The following PTPRM variants were observed in gnomAD, a reference collection of about 807,000 sequenced individuals.
The protein encoded by PTPRM is protein tyrosine phosphatase receptor type M, also known as receptor-type tyrosine-protein phosphatase mu.
PTPRM carries 47 observed loss-of-function variants against 186.7 expected under a neutral mutation model. The observed-to-expected ratio is 0.25, with a 90% CI of 0.20 to 0.32. PTPRM has a LOEUF of 0.32. Ranked by LOEUF, PTPRM falls within the 10% of genes least tolerant of loss-of-function variation. The pLI, the probability that PTPRM is intolerant of heterozygous loss-of-function variation, is 1.00. For synonymous variants in PTPRM, 668 were observed against 674.9 expected, an observed-to-expected ratio of 0.99 and a Z score of 0.16; for missense variants, 1,494 against 1,865.0, an observed-to-expected ratio of 0.80 and a Z score of 3.66.
chr18:7,776,803 C>T (rs2042605164), intron 2 of PTPRM, among the ~76,000 whole-genome samples: 1 of 152,148 alleles, frequency 6.6e-6, no homozygotes, highest in African/African-American at 2.4e-5. Flanking sequence ...GCCCAGCTGA[C>T]CCATCGACCA....
At chr18:7,919,552 T>G (rs8091318) in intron 4 of PTPRM, among the ~76,000 whole-genome samples, 2,803 of 152,278 alleles carry the variant, frequency 0.018, 81 homozygotes, top group African/African-American at 0.063. Context: ...ATTTCTAGTT[T>G]TATTCCATTG....
intron 14 of PTPRM, among the ~76,000 whole-genome samples, chr18:8,240,801 AGAGAGAGAGAGAGAGAGAGAGAG>A (rs2094422901): frequency 5.4e-5 from 2 of 36,896 alleles, no homozygotes; most frequent in South Asian, 6.9e-4. Context: ...AGAGAGAGAG[AGAGAGAGAGAGAGAGAGAGAGAG>A]AGAAAGAAAG....
chr18:7,822,309 T>A (rs997161759), intron 2 of PTPRM, among the ~76,000 whole-genome samples: 2 of 152,212 alleles, frequency 1.3e-5, no homozygotes, highest in African/African-American at 4.8e-5. Flanking sequence ...TTACCTCCCC[T>A]TGTGATTTAT....
chr18:8,017,741 A>G (rs2084967642), intron 7 of PTPRM: 1 of 152,146 alleles, frequency 6.6e-6, no homozygotes, highest in South Asian at 2.1e-4. Flanking sequence ...TACAAGTGAA[A>G]TAGCTGAGGT....
At chr18:7,903,889 A>G (rs1170015464) in intron 3 of PTPRM, among the ~76,000 whole-genome samples, 2 of 152,132 alleles carry the variant, frequency 1.3e-5, no homozygotes, top group Non-Finnish European at 2.9e-5. Flanking sequence ...CCTAGGATCA[A>G]AGTTTTTGTT....
intron 7 of PTPRM, among the ~76,000 whole-genome samples, chr18:8,044,423 G>A (rs9952873): frequency 0.025 from 3,744 of 152,244 alleles, 144 homozygotes; most frequent in African/African-American, 0.085. Flanking sequence ...TGGAGGATGT[G>A]TAAATATGAC....
chr18:8,210,091 G>A lies in PTPRM; in HGVS notation c.2301-33967G>A, dbSNP rs555639673. ...CTTTGGGAGGCTGAGGTGGCAGATC[G>A]CTTGAGGCCAGGAGTTCAAGACCAG... On this transcript the variant is annotated intron_variant, in intron 14 of 32. Transcript: ENST00000580170. 6.7e-5 allele frequency among the ~76,000 whole-genome samples: 10 copies of A among 149,810 alleles called. No individual in the cohort carries two copies. The South Asian group carries it at 2.2e-3, about 32-fold the overall frequency.
intron 13 of PTPRM, among the ~76,000 whole-genome samples, chr18:8,130,004 G>A (rs965017251): frequency 1.3e-5 from 2 of 152,150 alleles, no homozygotes; most frequent in African/African-American, 2.4e-5. Context: ...TCTCCAATGG[G>A]CTGAGAGTGA....
At chr18:7,989,822 A>T (rs939706082) in intron 7 of PTPRM, among the ~76,000 whole-genome samples, 8 of 152,150 alleles carry the variant, frequency 5.3e-5, no homozygotes, top group African/African-American at 1.7e-4. Flanking sequence ...CACGGGCCTC[A>T]CCTTTGCTCG....
chr18:8,360,061 GAGGAT>G (rs2148384646), intron 23 of PTPRM, among the ~76,000 whole-genome samples: 1 of 152,310 alleles, frequency 6.6e-6, no homozygotes, highest in African/African-American at 2.4e-5. Context: ...CCTCTCCCAG[GAGGAT>G]AGGACCAAAG....
intron 7 of PTPRM, among the ~76,000 whole-genome samples, chr18:8,003,785 G>T (rs115511876): frequency 0.014 from 2,101 of 152,276 alleles, 56 homozygotes; most frequent in African/African-American, 0.049. Context: ...ACATTTGAGG[G>T]CCTATTACAT....
Position 8,125,998 on chromosome 18 carries a change from TATATATATATATATATATA to T in PTPRM, c.2167+11172_2167+11190del, listed in dbSNP as rs1401949792. On this transcript the variant is annotated intron_variant, in intron 13 of 32. Coordinates refer to ENST00000580170, the MANE Select transcript of PTPRM (RefSeq NM_001105244.2). ...ATACATATATATATATATATATATA[TATATATATATATATATATA>T]TATATATATATTTTAAATCAGTAGA... Among the ~76,000 whole-genome samples, 102 of 14,934 alleles carry T rather than the reference TATATATATATATATATATA, an allele frequency of 6.8e-3. 1 individual carries two copies. The highest frequency in any genetic ancestry group is 0.011 in the African/African-American group (88 of 7,684). The allele number at this position is 14,934 out of a possible 152,430, so 9.8% of individuals were successfully genotyped here.
At position 8,128,527 on chromosome 18, in the gene PTPRM, C is replaced by A. The variant is rs545273311; in HGVS notation, c.2167+13700C>A. Among the ~76,000 whole-genome samples, 7 of 152,256 alleles carry A rather than the reference C, an allele frequency of 4.6e-5. 1 individual carries two copies. The highest frequency in any genetic ancestry group is 1.7e-4 in the African/African-American group (7 of 41,564). On this transcript the variant is annotated intron_variant, in intron 13 of 32. Transcript: ENST00000580170. ...TTCTTTCTGCAATACCAGCTGACTGCATTTTAATGGGCTATAGTGTCACTG... is the reference window on the plus strand; with the variant it reads ...TTCTTTCTGCAATACCAGCTGACTGAATTTTAATGGGCTATAGTGTCACTG...
intron 7 of PTPRM, among the ~76,000 whole-genome samples, chr18:7,976,926 T>A (rs1322433634): frequency 6.6e-6 from 1 of 152,130 alleles, no homozygotes; most frequent in Non-Finnish European, 1.5e-5. Context: ...GCTGTTTTTT[T>A]TTTTTTTTAA....
chr18:7,599,805 C>A (rs1567975768), intron 1 of PTPRM, among the ~76,000 whole-genome samples: 3 of 152,180 alleles, frequency 2.0e-5, no homozygotes, highest in Non-Finnish European at 4.4e-5. Flanking sequence ...TCTTGTGGCA[C>A]CCTCCCGAGC....
At chr18:8,182,778 T>G (rs1165309301) in intron 14 of PTPRM, among the ~76,000 whole-genome samples, 2 of 152,222 alleles carry the variant, frequency 1.3e-5, no homozygotes, top group Non-Finnish European at 2.9e-5. Flanking sequence ...TATAAAATCT[T>G]GACTCATAGC....
intron 7 of PTPRM, among the ~76,000 whole-genome samples, chr18:7,966,963 G>C (rs1438261587): frequency 8.3e-6 from 1 of 121,056 alleles, no homozygotes; most frequent in Non-Finnish European, 2.0e-5. Context: ...CACAGCTCTA[G>C]GAGGCCTGCC....
chr18:8,323,440 G>A (rs1257928675), intron 22 of PTPRM, among the ~76,000 whole-genome samples: 28 of 152,104 alleles, frequency 1.8e-4, no homozygotes, highest in Non-Finnish European at 4.0e-4. Context: ...ACAATAAAAA[G>A]CAAATGTTCG....
intron 7 of PTPRM, among the ~76,000 whole-genome samples, chr18:8,017,582 CAAAAAAA>C (rs71354586): frequency 3.1e-5 from 2 of 64,724 alleles, no homozygotes; most frequent in African/African-American, 6.2e-5. Flanking sequence ...GACTCCTTCT[CAAAAAAA>C]AAAAAAAAAA....
Sources: allele counts gnomAD v4.1 joint callset (sites outside exome capture counted in the v4.1 genomes callset), GRCh38; gene constraint gnomAD v4.1.1; transcripts MANE v1.5; gene names NCBI Gene and HGNC (gene_info 2026-07-23, HGNC 2026-07-21).